Variants in PLEKHD1 observed in about 807,000 individuals in gnomAD.
PLEKHD1 encodes pleckstrin homology and coiled-coil domain containing D1, also known as pleckstrin homology domain-containing family D member 1.
PLEKHD1 carries 51 observed loss-of-function variants against 69.2 expected under a neutral mutation model. That is an observed-to-expected ratio of 0.74 (90% CI 0.59 to 0.93). The LOEUF is 0.93. Among genes scored for constraint, PLEKHD1 ranks in the 40% least tolerant of loss-of-function variants. The pLI, the probability that PLEKHD1 is intolerant of heterozygous loss-of-function variation, is 0.00. For missense variants in PLEKHD1, 584 were observed against 641.0 expected, an observed-to-expected ratio of 0.91 and a Z score of 0.96; for synonymous variants, 236 against 244.7, an observed-to-expected ratio of 0.96 and a Z score of 0.33.
intron 1 of PLEKHD1, among the ~76,000 whole-genome samples, chr14:69,497,118 T>C (rs935265203): frequency 3.3e-5 from 5 of 152,202 alleles, no homozygotes; most frequent in Non-Finnish European, 7.3e-5. Context: ...CACTCAGCGC[T>C]GTCCTGAGTC....
rs1883070325 is a variant in PLEKHD1, at chr14:69,503,247, T to C, written c.555+368T>C. ...AGGGCTATCTGGCACCTGAGGGTGA[T>C]TGGGCTTGATGATCTCAGAAGTTCC... On this transcript the variant is annotated intron_variant, in intron 6 of 12. Transcript: ENST00000322564. 1.5e-5 allele frequency: 4 copies of C among 271,714 alleles called. No individual in the cohort carries two copies. In the South Asian group the frequency reaches 1.7e-4, roughly 12 times the overall value. The allele number at this position is 271,714 out of a possible 1,614,324, so 16.8% of individuals were successfully genotyped here.
intron 6 of PLEKHD1, among the ~76,000 whole-genome samples, chr14:69,517,703 G>A (rs912243939): frequency 2.0e-5 from 3 of 152,112 alleles, no homozygotes; most frequent in African/African-American, 4.8e-5. Context: ...GGCCAATCTC[G>A]GTTCTTTCAG....
In PLEKHD1 at chr14:69,529,345, A is replaced by G. The variant is rs1883739358; in HGVS notation, c.*926A>G. On this transcript the variant is annotated 3_prime_UTR_variant, in exon 13 of 13. Coordinates refer to ENST00000322564, the MANE Select transcript of PLEKHD1 (RefSeq NM_001161498.2). ...TACTTGAAGTCAGGAGTTTGAGACC[A>G]GCCTGGCCAATACGGCAAAACCCTG... 1 of 152,332 alleles carries G rather than the reference A, an allele frequency of 6.6e-6. No homozygotes were observed. The highest frequency in any genetic ancestry group is 6.5e-5 in the Admixed American group (1 of 15,286). The allele number at this position is 152,332 out of a possible 1,614,324, so 9.4% of individuals were successfully genotyped here. A position where few individuals can be genotyped will look rare whatever the true frequency, so the allele number is the denominator to read the frequency against.
intron 6 of PLEKHD1, among the ~76,000 whole-genome samples, chr14:69,510,528 G>GA (rs926069106): frequency 4.5e-4 from 66 of 148,176 alleles, no homozygotes; most frequent in South Asian, 6.4e-4. Flanking sequence ...ATCTTCAAAA[G>GA]AAAAAAAAAA....
At chr14:69,487,017 A>C (rs79738670) in intron 1 of PLEKHD1, among the ~76,000 whole-genome samples, 7,250 of 152,234 alleles carry the variant, frequency 0.048, 233 homozygotes, top group South Asian at 0.11. Context: ...ATACAGCTAA[A>C]AGTCAAGTCC....
At chr14:69,518,410 C>T (rs1225668177) in intron 6 of PLEKHD1, among the ~76,000 whole-genome samples, 2 of 152,118 alleles carry the variant, frequency 1.3e-5, no homozygotes, top group East Asian at 3.8e-4. Context: ...TTTTGCTTAT[C>T]TTCATATCCT....
At chr14:69,468,015 C>G in the PLEKHD1 span, among the ~76,000 whole-genome samples, 1 of 152,190 alleles carries the variant, frequency 6.6e-6, no homozygotes, top group South Asian at 2.1e-4. Flanking sequence ...GCCTTCTGTG[C>G]TGGTTTCGAT....
chr14:69,500,573 T>C lies in PLEKHD1; in HGVS notation c.244-4T>C. ...GGGGGCTGCCTGTTCTGGTTCTTCC[T>C]CAGGGCGTCATCCCTCTGGGGGGCT... is the stretch of plus-strand genomic sequence containing the variant. On this transcript the variant is annotated splice_polypyrimidine_tract_variant and splice_region_variant and intron_variant, in intron 2 of 12. Coordinates refer to ENST00000322564, the MANE Select transcript of PLEKHD1 (RefSeq NM_001161498.2). 6.5e-7 allele frequency: 1 copy of C among 1,546,900 alleles called. No individual in the cohort carries two copies.
upstream of PLEKHD1, among the ~76,000 whole-genome samples, chr14:69,479,943 G>A (rs1757525700): frequency 6.6e-6 from 1 of 152,174 alleles, no homozygotes. Context: ...ATTGAAACAG[G>A]AAATGGCAGC....
chr14:69,485,220 ACCTTGGCGTC>A (rs1882629523), intron 1 of PLEKHD1, 106 bp downstream of exon 1: 1 of 1,286,254 alleles, frequency 7.8e-7, no homozygotes, highest in African/African-American at 1.5e-5. Flanking sequence ...TTCCTGTGTG[ACCTTGGCGTC>A]ACCCCTTTTC....
chr14:69,528,473 AG>A lies in PLEKHD1; in HGVS notation c.*58del. 1.3e-6 allele frequency: 2 copies of A among 1,523,448 alleles called. No homozygotes were observed. Among genetic ancestry groups the A allele is most frequent in the South Asian group, 1.2e-5 (1 of 81,236 alleles). The allele number at this position is 1,523,448 out of a possible 1,614,324, so 94.4% of individuals were successfully genotyped here. A position where few individuals can be genotyped will look rare whatever the true frequency, so the allele number is the denominator to read the frequency against. ...TCCCCTGGATGGGCGGGGGAGGGGA[AG>A]GGGTGGCAGAGGGAGGCCTCACTCT... On this transcript the variant is annotated 3_prime_UTR_variant, in exon 13 of 13. Transcript: ENST00000322564.
chr14:69,503,027 G>A lies in PLEKHD1; in HGVS notation c.555+148G>A, dbSNP rs868131883. On this transcript the variant is annotated intron_variant, in intron 6 of 12. Transcript: ENST00000322564. ...CGGGGAGGCCAAATGGGATCACAGT[G>A]CTTGCTTGGGACTTGCTGTAACTTG... 9 of 837,218 alleles carry A rather than the reference G, an allele frequency of 1.1e-5. No individual in the cohort carries two copies. In the Middle Eastern group the frequency reaches 1.9e-3, roughly 177 times the overall value. The allele number at this position is 837,218 out of a possible 1,614,324, so 51.9% of individuals were successfully genotyped here. A position where few individuals can be genotyped will look rare whatever the true frequency, so the allele number is the denominator to read the frequency against.
chr14:69,501,105 G>A, intron 4 of PLEKHD1, 158 bp downstream of exon 4: 1 of 719,430 alleles, frequency 1.4e-6, no homozygotes, highest in Non-Finnish European at 2.4e-6. Context: ...CCAGGTTTTA[G>A]AGCATCTGTG....
rs964470019 is a variant in PLEKHD1, at chr14:69,498,361, G to C, written c.150-1754G>C. ...CCCAAAGTGCTGGGATTACAGGTGTGAGCCATCGCACCCAGCCTTCTATTT... is the reference window on the plus strand; with the variant it reads ...CCCAAAGTGCTGGGATTACAGGTGTCAGCCATCGCACCCAGCCTTCTATTT... On this transcript the variant is annotated intron_variant, in intron 1 of 12. Transcript: ENST00000322564. Among the ~76,000 whole-genome samples the C allele has an allele frequency of 2.0e-5, 3 of 152,192 alleles. No homozygotes were observed. In the South Asian group the frequency reaches 6.2e-4, roughly 32 times the overall value.
intron 1 of PLEKHD1, among the ~76,000 whole-genome samples, chr14:69,487,783 G>A (rs896714082): frequency 1.3e-5 from 2 of 152,226 alleles, no homozygotes; most frequent in African/African-American, 2.4e-5. Context: ...ATCTTGGTCT[G>A]TGAGTGGAGA....
chr14:69,482,470 A>C (rs10137668), upstream of PLEKHD1, among the ~76,000 whole-genome samples: 25,806 of 152,156 alleles, frequency 0.17, 2,353 homozygotes, highest in South Asian at 0.24. Context: ...ATATCTAAGA[A>C]GTGCTGCAGA....
intron 1 of PLEKHD1, among the ~76,000 whole-genome samples, chr14:69,490,220 A>T (rs972957431): frequency 6.6e-6 from 1 of 152,174 alleles, no homozygotes; most frequent in African/African-American, 2.4e-5. Context: ...GACTGGTTTC[A>T]TGGAAGACAA....
chr14:69,483,847 C>G (rs61079350), upstream of PLEKHD1, among the ~76,000 whole-genome samples: 11 of 152,304 alleles, frequency 7.2e-5, no homozygotes, highest in East Asian at 1.7e-3. Flanking sequence ...TTCCACCTGC[C>G]GGGAGGAGGC....
chr14:69,530,477 A>G lies in PLEKHD1; in HGVS notation c.*2058A>G, dbSNP rs1330993531. ...ATTGAAGGGGAATATTTATAAAACCAAGATTACTGTTTCCTTTTTTTTAAA... is the reference window on the plus strand; with the variant it reads ...ATTGAAGGGGAATATTTATAAAACCGAGATTACTGTTTCCTTTTTTTTAAA... On this transcript the variant is annotated 3_prime_UTR_variant, in exon 13 of 13. Coordinates refer to ENST00000322564, the MANE Select transcript of PLEKHD1 (RefSeq NM_001161498.2). 6.6e-6 allele frequency: 1 copy of G among 152,252 alleles called. No homozygotes were observed. The highest frequency in any genetic ancestry group is 1.5e-5 in the Non-Finnish European group (1 of 68,040). The allele number at this position is 152,252 out of a possible 1,614,324, so 9.4% of individuals were successfully genotyped here. A position where few individuals can be genotyped will look rare whatever the true frequency, so the allele number is the denominator to read the frequency against.
Sources: allele counts gnomAD v4.1 joint callset (sites outside exome capture counted in the v4.1 genomes callset), GRCh38; gene constraint gnomAD v4.1.1; transcripts MANE v1.5; gene names NCBI Gene and HGNC (gene_info 2026-07-23, HGNC 2026-07-21).